The following ZZEF1 variants were observed in gnomAD, a reference collection of about 807,000 sequenced individuals.
ZZEF1 encodes the protein zinc finger ZZ-type and EF-hand domain containing 1, also known as zinc finger ZZ-type and EF-hand domain-containing protein 1.
Under a neutral mutation model 342.8 loss-of-function variants are expected in ZZEF1, and 157 were observed. The observed-to-expected ratio is 0.46, with a 90% CI of 0.40 to 0.52. The LOEUF is 0.52. Among genes scored for constraint, ZZEF1 ranks in the 20% least tolerant of loss-of-function variants. The pLI is 0.00. For synonymous variants in ZZEF1, 1,505 were observed against 1,429.1 expected (o/e 1.05, Z -1.20); for missense variants, 3,480 against 3,725.6 (o/e 0.93, Z 1.72).
At chr17:4,124,085 G>C in intron 1 of ZZEF1, 34 bp from the exon 2 acceptor site, 2 of 1,575,988 alleles carry the variant, frequency 1.3e-6, no homozygotes, top group Non-Finnish European at 1.7e-6. Flanking sequence ...AATCAGGGCT[G>C]TTTCAAGTAA....
At chr17:4,071,929 C>T (rs957960434) in intron 25 of ZZEF1, among the ~76,000 whole-genome samples, 1 of 151,740 alleles carries the variant, frequency 6.6e-6, no homozygotes, top group Non-Finnish European at 1.5e-5. Flanking sequence ...GGGAAGAAAG[C>T]CTGAATAAAG....
intron 1 of ZZEF1, among the ~76,000 whole-genome samples, chr17:4,131,541 G>A (rs1310536887): frequency 1.3e-5 from 2 of 152,084 alleles, no homozygotes; most frequent in Non-Finnish European, 2.9e-5. Context: ...CACTTTGGGA[G>A]GCTAAGGTGG....
intron 39 of ZZEF1, among the ~76,000 whole-genome samples, chr17:4,035,725 T>C (rs995185367): frequency 6.6e-6 from 1 of 151,846 alleles, no homozygotes; most frequent in East Asian, 1.9e-4. Context: ...ATAAGGAGAG[T>C]GTTGCCACTG....
At chr17:4,125,802 T>G (rs1440411000) in intron 1 of ZZEF1, among the ~76,000 whole-genome samples, 1 of 152,126 alleles carries the variant, frequency 6.6e-6, no homozygotes, top group Non-Finnish European at 1.5e-5. Flanking sequence ...AAAAGAGGCC[T>G]GGGAGTCACA....
At chr17:4,120,137 C>A (rs2058459616) in intron 2 of ZZEF1, among the ~76,000 whole-genome samples, 1 of 151,976 alleles carries the variant, frequency 6.6e-6, no homozygotes, top group Admixed American at 6.6e-5. Context: ...GCGGGCAGAT[C>A]ACGAGGTCAG....
At position 4,066,459 on chromosome 17, in the gene ZZEF1, G is replaced by C; in HGVS notation, c.4237C>G (p.Pro1413Ala). 2 of 1,614,024 alleles carry C rather than the reference G, an allele frequency of 1.2e-6. No individual in the cohort carries two copies. Among genetic ancestry groups the C allele is most frequent in the Middle Eastern group, 1.7e-4 (1 of 6,056 alleles). The change falls in exon 28 of 55, where the codon CCT becomes GCT. Residue 1413 changes from proline (P) to alanine (A), a missense_variant. Physicochemically the swap from Pro to Ala is conservative, Grantham distance 27. Coordinates refer to ENST00000381638, the MANE Select transcript of ZZEF1 (RefSeq NM_015113.4). ...TTAGCACACTCACCCAGGCTCTCAG[G>C]GTTCACCTCAGTAGCTTCTGAACTA... ...KHSSEATEVNPESLAKECIEK... is the reference protein window; with the variant it reads ...KHSSEATEVNAESLAKECIEK...
intron 18 of ZZEF1, among the ~76,000 whole-genome samples, chr17:4,079,931 A>G (rs565211718): frequency 1.3e-5 from 2 of 152,252 alleles, no homozygotes; most frequent in African/African-American, 4.8e-5. Flanking sequence ...TCAAGTCCAC[A>G]TCATTAGATA....
At chr17:4,109,106 T>C (rs749276544) in intron 6 of ZZEF1, among the ~76,000 whole-genome samples, 1 of 152,230 alleles carries the variant, frequency 6.6e-6, no homozygotes, top group Non-Finnish European at 1.5e-5. Flanking sequence ...AGAAATTAAT[T>C]TAGTACCCTG....
At position 4,064,744 on chromosome 17, in the gene ZZEF1, C is replaced by T; in HGVS notation, c.4335G>A (p.Glu1445=). ...ISSKESCEKL[E]TADETSHLQP... ...GGAGATGACTGGTTTCATCAGCAGT[C>T]TCCAACTTTTCGCAGCTTTCTTTTG... The change falls in exon 29 of 55, where the codon GAG becomes GAA. Residue 1445 remains glutamate (E), a synonymous_variant. Transcript: ENST00000381638. 1 of 1,613,914 alleles carries T rather than the reference C, an allele frequency of 6.2e-7. No individual in the cohort carries two copies. The highest frequency in any genetic ancestry group is 8.5e-7 in the Non-Finnish European group (1 of 1,180,008).
Position 4,100,728 on chromosome 17 carries a change from G to A in ZZEF1, c.1672+1589C>T, listed in dbSNP as rs867491218. ...CGGGCGCCTGTAGTCTCAGATACTC[G>A]GAAGGCTGAGGCAGAAGAATGGCTT... On this transcript the variant is annotated intron_variant, in intron 9 of 54. Coordinates refer to ENST00000381638, the MANE Select transcript of ZZEF1 (RefSeq NM_015113.4). Among the ~76,000 whole-genome samples, 30 of 152,272 alleles carry A rather than the reference G, an allele frequency of 2.0e-4. No homozygotes were observed. The Middle Eastern group carries it at 0.017, about 86-fold the overall frequency.
chr17:4,130,866 A>G (rs868705195), intron 1 of ZZEF1, among the ~76,000 whole-genome samples: 7 of 152,170 alleles, frequency 4.6e-5, no homozygotes, highest in South Asian at 2.1e-4. Flanking sequence ...AAGACTGAGG[A>G]AAAAGGGAAG....
intron 12 of ZZEF1, among the ~76,000 whole-genome samples, chr17:4,089,434 G>A (rs115226798): frequency 0.012 from 1,883 of 152,278 alleles, 41 homozygotes; most frequent in African/African-American, 0.043. Flanking sequence ...AATATTTACC[G>A]AGCACCTACT....
intron 1 of ZZEF1, among the ~76,000 whole-genome samples, chr17:4,139,675 G>A (rs1279867648): frequency 1.3e-5 from 2 of 152,184 alleles, no homozygotes; most frequent in African/African-American, 2.4e-5. Flanking sequence ...CTTACAGACA[G>A]AGCAGCCATC....
intron 8 of ZZEF1, among the ~76,000 whole-genome samples, chr17:4,103,789 A>C (rs1443113028): frequency 6.6e-6 from 1 of 152,096 alleles, no homozygotes; most frequent in East Asian, 1.9e-4. Flanking sequence ...GTATGCTGGC[A>C]TGCACCTGTG....
intron 6 of ZZEF1, among the ~76,000 whole-genome samples, chr17:4,107,976 C>A (rs572756770): frequency 6.8e-4 from 103 of 152,286 alleles, no homozygotes; most frequent in Non-Finnish European, 7.9e-4. Flanking sequence ...AGCCAGACTG[C>A]AGGGGTTGCC....
In ZZEF1 at chr17:4,008,951, G is replaced by A; in HGVS notation, c.8737C>T (p.Leu2913Phe). 1.9e-6 allele frequency: 3 copies of A among 1,540,856 alleles called. No individual in the cohort carries two copies. Among genetic ancestry groups the A allele is most frequent in the Non-Finnish European group, 2.6e-6 (3 of 1,147,086 alleles). Reference sequence around the variant, plus strand: ...AGCAGGTAATCCTGCAGCACGCCAAGCTCCTGCAGAGAGAGAGCAGGGGCT... The same window carrying A: ...AGCAGGTAATCCTGCAGCACGCCAAACTCCTGCAGAGAGAGAGCAGGGGCT... ...FFVTENRAQE[L>F]GVLQDYLLAL... The change falls in exon 54 of 55, where the codon CTT becomes TTT. Residue 2913 changes from leucine to phenylalanine, a missense_variant. Leu to Phe is a conservative substitution (Grantham distance 22). Transcript: ENST00000381638. This position sits in a 1 kb window ranked among gnomAD's most constrained non-coding sequence, Gnocchi z 4.2.
Position 4,021,269 on chromosome 17 carries a change from C to T in ZZEF1, c.7264G>A (p.Glu2422Lys). The T allele has an allele frequency of 6.2e-7, 1 of 1,614,164 alleles. No homozygotes were observed. Among genetic ancestry groups the T allele is most frequent in the Admixed American group, 1.7e-5 (1 of 60,018 alleles). ...TCATCCAGCTCTAGGTCTCCGTGCT[C>T]AGCCAAAGCGTTGATCTCCTTTTTT... ...SSKKEINALA[E>K]HGDLELDERG... The change falls in exon 45 of 55, where the codon GAG (glutamate) becomes AAG (lysine). Residue 2422 changes from glutamate to lysine, a missense_variant. By Grantham distance (56) the Glu-to-Lys change is moderately conservative. Coordinates refer to ENST00000381638, the MANE Select transcript of ZZEF1 (RefSeq NM_015113.4).
chr17:4,057,040 C>T (rs2057176232), intron 32 of ZZEF1, among the ~76,000 whole-genome samples: 1 of 152,214 alleles, frequency 6.6e-6, no homozygotes, highest in Non-Finnish European at 1.5e-5. Context: ...TACCAAGCTA[C>T]AAATACACAT....
At chr17:4,056,432 T>A in intron 32 of ZZEF1, 87 bp from the exon 33 acceptor site, 1 of 1,330,232 alleles carries the variant, frequency 7.5e-7, no homozygotes, top group Non-Finnish European at 9.8e-7. Context: ...TCTATAGGTC[T>A]ATTATATTGG....
Sources: gnomAD v4.1 joint callset for allele counts (sites outside exome capture counted in the v4.1 genomes callset) on GRCh38, gnomAD v4.1.1 for gene constraint, Gnocchi (gnomAD v3.1) non-coding constraint, MANE v1.5 for transcripts, NCBI Gene and HGNC (gene_info 2026-07-23, HGNC 2026-07-21) for gene names.